Variants in SLC25A40 observed in about 807,000 individuals in gnomAD.
SLC25A40 encodes the protein mitochondrial glutathione transporter SLC25A40.
SLC25A40 carries 41 observed loss-of-function variants against 46.5 expected under a neutral mutation model. The observed-to-expected ratio is 0.88, with a 90% CI of 0.69 to 1.14. SLC25A40 has a LOEUF of 1.14. SLC25A40 is among the 50% of genes most tolerant of loss of function. SLC25A40 has a pLI of 0.00. For missense variants in SLC25A40, 386 were observed against 393.6 expected (o/e 0.98, Z 0.16); for synonymous variants, 126 against 127.5 (o/e 0.99, Z 0.08).
intron 1 of SLC25A40, among the ~76,000 whole-genome samples, chr7:87,872,807 C>T (rs1337581016): frequency 6.6e-6 from 1 of 152,062 alleles, no homozygotes; most frequent in Admixed American, 6.5e-5. Context: ...ACTAAAAATA[C>T]AAAAATTAGC....
chr7:87,873,912 C>A (rs1838932514), intron 1 of SLC25A40, among the ~76,000 whole-genome samples: 1 of 152,160 alleles, frequency 6.6e-6, no homozygotes, highest in African/African-American at 2.4e-5. Context: ...AATAACCCTG[C>A]CCCCATTCAC....
chr7:87,862,506 A>C (rs1259081189), intron 1 of SLC25A40, among the ~76,000 whole-genome samples: 1 of 152,214 alleles, frequency 6.6e-6, no homozygotes, highest in Non-Finnish European at 1.5e-5. Context: ...AACAAAATTC[A>C]CTTAACCAGG....
Position 87,866,823 on chromosome 7 carries a change from T to A in SLC25A40, c.-93-6183A>T, listed in dbSNP as rs1838809344. ...CAAGGAAATTCACAGAAACCACCAC[T>A]GCTACTCACGAGTTCCTTCACTGAT... is the stretch of plus-strand genomic sequence containing the variant. On this transcript the variant is annotated intron_variant, in intron 1 of 11. Transcript: ENST00000341119. 1.3e-5 allele frequency among the ~76,000 whole-genome samples: 2 copies of A among 152,232 alleles called. 1 individual carries two copies. The highest frequency in any genetic ancestry group is 4.1e-4 in the South Asian group (2 of 4,836).
At chr7:87,866,600 C>T (rs183524439) in intron 1 of SLC25A40, among the ~76,000 whole-genome samples, 6 of 152,176 alleles carry the variant, frequency 3.9e-5, no homozygotes, top group African/African-American at 9.7e-5. Flanking sequence ...TGAGGAGAAA[C>T]GTCTCCTTAT....
intron 1 of SLC25A40, among the ~76,000 whole-genome samples, chr7:87,875,318 A>C (rs2131029967): frequency 6.6e-6 from 1 of 152,306 alleles, no homozygotes; most frequent in South Asian, 2.1e-4. Context: ...GTCTAAAACC[A>C]AACTCTCATT....
intron 1 of SLC25A40, among the ~76,000 whole-genome samples, chr7:87,863,255 C>T (rs1031755720): frequency 6.6e-6 from 1 of 152,016 alleles, no homozygotes; most frequent in Non-Finnish European, 1.5e-5. Context: ...AATTGTAGTT[C>T]CCATAATCCC....
At chr7:87,849,224 C>T (rs1838469765) in intron 6 of SLC25A40, among the ~76,000 whole-genome samples, 1 of 152,122 alleles carries the variant, frequency 6.6e-6, no homozygotes, top group Non-Finnish European at 1.5e-5. Context: ...ACACAGCAGG[C>T]TTGGTTGCTC....
At chr7:87,865,268 A>G (rs1003370572) in intron 1 of SLC25A40, among the ~76,000 whole-genome samples, 1 of 152,182 alleles carries the variant, frequency 6.6e-6, no homozygotes, top group Non-Finnish European at 1.5e-5. Flanking sequence ...ATTTTAGATA[A>G]CAAAGAACAG....
chr7:87,868,168 G>A (rs1053097262), intron 1 of SLC25A40, among the ~76,000 whole-genome samples: 2 of 152,160 alleles, frequency 1.3e-5, no homozygotes, highest in African/African-American at 2.4e-5. Flanking sequence ...AGATGATAGG[G>A]AAGCTGGCTG....
chr7:87,873,673 C>T (rs1046775275), intron 1 of SLC25A40, among the ~76,000 whole-genome samples: 2 of 151,958 alleles, frequency 1.3e-5, no homozygotes, highest in Non-Finnish European at 2.9e-5. Flanking sequence ...CCTCGTGATC[C>T]GCCACCTCGG....
chr7:87,858,941 C>T (rs1037867119), intron 2 of SLC25A40, among the ~76,000 whole-genome samples, 190 bp from the exon 3 acceptor site: 1 of 152,088 alleles, frequency 6.6e-6, no homozygotes, highest in Non-Finnish European at 1.5e-5. Context: ...CTCATACACA[C>T]TACTAAAAAA....
In SLC25A40 at chr7:87,834,779, A is replaced by T. The variant is rs1838235015; in HGVS notation, c.*1470T>A. On this transcript the variant is annotated 3_prime_UTR_variant, in exon 12 of 12. Coordinates refer to ENST00000341119, the MANE Select transcript of SLC25A40 (RefSeq NM_018843.4). ...ACAATGATTTTACGTAAAAATATTT[A>T]GAAGCACAGTGATGATTTTAAGAAG... is the stretch of plus-strand genomic sequence containing the variant. 1 of 151,688 alleles carries T rather than the reference A, an allele frequency of 6.6e-6. No individual in the cohort carries two copies. The highest frequency in any genetic ancestry group is 6.6e-5 in the Admixed American group (1 of 15,160). 9.4% of individuals were successfully genotyped at this position (151,688 alleles called of 1,614,324 possible).
intron 9 of SLC25A40, among the ~76,000 whole-genome samples, chr7:87,843,372 A>C (rs1037366523): frequency 1.3e-5 from 2 of 152,124 alleles, no homozygotes; most frequent in Admixed American, 6.5e-5. Context: ...AAAGAAACAG[A>C]AATCAGCAGC....
chr7:87,843,904 A>T, intron 8 of SLC25A40, 41 bp from the exon 9 acceptor site: 2 of 1,498,212 alleles, frequency 1.3e-6, no homozygotes, highest in Non-Finnish European at 9.1e-7. Flanking sequence ...ATTTAGAAAT[A>T]AAATGTGGAC....
At chr7:87,842,114 T>C (rs1838345056) in intron 9 of SLC25A40, 1 of 272,614 alleles carries the variant, frequency 3.7e-6, no homozygotes, top group Non-Finnish European at 7.4e-6. Context: ...CATTTAAAAA[T>C]TTCCAGCAAA....
chr7:87,841,009 C>T (rs1838323447), intron 10 of SLC25A40, among the ~76,000 whole-genome samples: 1 of 151,372 alleles, frequency 6.6e-6, no homozygotes, highest in South Asian at 2.1e-4. Context: ...TAAATGATGA[C>T]AGAGGGATCC....
At chr7:87,859,004 C>T (rs1421776504) in intron 2 of SLC25A40, among the ~76,000 whole-genome samples, 1 of 152,022 alleles carries the variant, frequency 6.6e-6, no homozygotes, top group Non-Finnish European at 1.5e-5. Context: ...TTATTGTATA[C>T]CAGTAGTTGT....
At chr7:87,869,389 G>A (rs1207445268) in intron 1 of SLC25A40, among the ~76,000 whole-genome samples, 3 of 152,056 alleles carry the variant, frequency 2.0e-5, no homozygotes, top group African/African-American at 7.2e-5. Flanking sequence ...TGAGCTAGGT[G>A]TAGTGGTGTG....
chr7:87,859,175 C>T (rs1838658918), intron 2 of SLC25A40, among the ~76,000 whole-genome samples: 1 of 152,104 alleles, frequency 6.6e-6, no homozygotes, highest in Non-Finnish European at 1.5e-5. Flanking sequence ...TAATCACCGG[C>T]CAGGCGTGGT....
Sources: gnomAD v4.1 joint callset for allele counts (sites outside exome capture counted in the v4.1 genomes callset) on GRCh38, gnomAD v4.1.1 for gene constraint, MANE v1.5 for transcripts, NCBI Gene and HGNC (gene_info 2026-07-23, HGNC 2026-07-21) for gene names.